Variants in RB1CC1 observed in about 807,000 individuals in gnomAD.
RB1CC1 encodes the protein RB1 inducible coiled-coil 1.
A neutral mutation model predicts 177.5 loss-of-function variants in RB1CC1; 46 were observed. That is an observed-to-expected ratio of 0.26 (90% CI 0.20 to 0.33). The LOEUF is 0.33. RB1CC1 is among the 10% of genes least tolerant of loss of function. RB1CC1 has a pLI of 1.00. For missense variants in RB1CC1, 1,703 were observed against 1,816.3 expected (o/e 0.94, Z 1.13); for synonymous variants, 666 against 613.6 (o/e 1.09, Z -1.26).
intron 1 of RB1CC1, among the ~76,000 whole-genome samples, chr8:52,704,052 C>T (rs544739961): frequency 1.3e-5 from 2 of 151,996 alleles, no homozygotes; most frequent in South Asian, 4.2e-4. Flanking sequence ...AAACATTCAG[C>T]AAAAAGGGAC....
intron 8 of RB1CC1, among the ~76,000 whole-genome samples, chr8:52,665,640 C>A (rs913544344): frequency 2.0e-5 from 3 of 152,134 alleles, no homozygotes; most frequent in African/African-American, 7.2e-5. Flanking sequence ...AGCAAAAGAT[C>A]AGGAATGCAG....
At chr8:52,693,110 T>A (rs549594425) in intron 1 of RB1CC1, among the ~76,000 whole-genome samples, 43 of 152,080 alleles carry the variant, frequency 2.8e-4, no homozygotes, top group Non-Finnish European at 4.7e-4. Context: ...TTACACCACA[T>A]ACAAAAATCA....
At chr8:52,713,826 C>T (rs1470870048) in intron 1 of RB1CC1, among the ~76,000 whole-genome samples, 1 of 152,236 alleles carries the variant, frequency 6.6e-6, no homozygotes, top group Admixed American at 6.5e-5. Flanking sequence ...ACACCTCCGG[C>T]AGCCTAGTGG....
intron 8 of RB1CC1, among the ~76,000 whole-genome samples, chr8:52,666,532 AG>A (rs950463936): frequency 4.6e-5 from 7 of 151,708 alleles, no homozygotes; most frequent in African/African-American, 1.7e-4. Flanking sequence ...AAAAAAAAAA[AG>A]AAAGAAAGAA....
Position 52,683,992 on chromosome 8 carries a change from G to A in RB1CC1, c.93C>T (p.Ala31=). The A allele has an allele frequency of 6.2e-7, 1 of 1,613,432 alleles. No individual in the cohort carries two copies. The highest frequency in any genetic ancestry group is 1.3e-5 in the African/African-American group (1 of 75,018). ...TVQTVADLKH[A]IQSKYKIAIQ... The stretch of plus-strand genomic sequence containing the variant: ...TAGCAATCTTGTATTTGCTTTGAAT[G>A]GCATGCTTAAGGTCTGCCACACTTC... Residue 31 remains alanine, a synonymous_variant, in exon 4 of 24, where the codon GCC becomes GCT. Coordinates refer to ENST00000025008, the MANE Select transcript of RB1CC1 (RefSeq NM_014781.5).
At position 52,656,345 on chromosome 8, in the gene RB1CC1, G is replaced by A. The variant is rs144014597; in HGVS notation, c.3484C>T (p.His1162Tyr). 49 of 1,611,688 alleles carry A rather than the reference G, an allele frequency of 3.0e-5. No individual in the cohort carries two copies. The African/African-American group carries it at 5.9e-4, about 19-fold the overall frequency. ...TTTTCTATTTCAAATGCTTGGTTATGCAAAGATGTTACTTTGTTTAATTCA... is the reference window on the plus strand; with the variant it reads ...TTTTCTATTTCAAATGCTTGGTTATACAAAGATGTTACTTTGTTTAATTCA... ...KAELNKVTSL[H>Y]NQAFEIEKNL... The change falls in exon 15 of 24, where the codon CAT (histidine) becomes TAT (tyrosine). Residue 1162 changes from histidine to tyrosine, a missense_variant. Physicochemically the swap from His to Tyr is moderately conservative, Grantham distance 83. Transcript: ENST00000025008.
chr8:52,678,099 C>A (rs1279918274), intron 5 of RB1CC1, among the ~76,000 whole-genome samples: 1 of 151,998 alleles, frequency 6.6e-6, no homozygotes, highest in Non-Finnish European at 1.5e-5. Flanking sequence ...AATGGGAGTA[C>A]CTTGCAACAA....
chr8:52,661,833 A>C, intron 8 of RB1CC1, 114 bp from the exon 9 acceptor site: 1 of 700,672 alleles, frequency 1.4e-6, no homozygotes, highest in Non-Finnish European at 2.1e-6. Context: ...GCCTTCTAAC[A>C]ATATTTTTAA....
chr8:52,627,018 G>A (rs1391331861), intron 22 of RB1CC1, among the ~76,000 whole-genome samples: 1 of 152,094 alleles, frequency 6.6e-6, no homozygotes, highest in Non-Finnish European at 1.5e-5. Flanking sequence ...TCATGCCACT[G>A]CACTCCAGCC....
chr8:52,642,648 G>A (rs948378760), intron 17 of RB1CC1, 56 bp downstream of exon 17: 1 of 1,589,272 alleles, frequency 6.3e-7, no homozygotes, highest in African/African-American at 1.4e-5. Context: ...CACTTTGCAT[G>A]AATGTATCTT....
At chr8:52,685,325 CAGT>C in intron 3 of RB1CC1, 71 bp downstream of exon 3, 1 of 1,147,464 alleles carries the variant, frequency 8.7e-7, no homozygotes, top group Non-Finnish European at 1.3e-6. Flanking sequence ...ACTTTTTAAA[CAGT>C]AGAATAATAT....
At position 52,656,790 on chromosome 8, in the gene RB1CC1, A is replaced by G. The variant is rs766711914; in HGVS notation, c.3039T>C (p.Ser1013=). The part of the protein sequence containing the change: ...FEKVMTDHRV[S]LEELKKENQQ... ...GGTTTTCCTTTTTTAATTCCTCCAA[A>G]GAAACTCTGTGGTCTGTCATAACCT... Residue 1013 remains serine (S), a synonymous_variant, in exon 15 of 24, where the codon TCT becomes TCC. Transcript: ENST00000025008. 2 of 1,613,794 alleles carry G rather than the reference A, an allele frequency of 1.2e-6. No homozygotes were observed. The highest frequency in any genetic ancestry group is 2.7e-5 in the African/African-American group (2 of 74,906).
chr8:52,679,054 G>A (rs552581897), intron 5 of RB1CC1, among the ~76,000 whole-genome samples: 50 of 152,236 alleles, frequency 3.3e-4, no homozygotes, highest in African/African-American at 1.1e-3. Flanking sequence ...AACCTGTGAA[G>A]AATATGAAAA....
intron 20 of RB1CC1, among the ~76,000 whole-genome samples, chr8:52,632,322 G>A (rs916553755): frequency 7.2e-5 from 11 of 152,170 alleles, no homozygotes; most frequent in African/African-American, 2.7e-4. Flanking sequence ...AAATTTTGAT[G>A]CTCTGAATTT....
At chr8:52,649,434 A>T (rs1235032912) in intron 15 of RB1CC1, among the ~76,000 whole-genome samples, 1 of 152,176 alleles carries the variant, frequency 6.6e-6, no homozygotes, top group Non-Finnish European at 1.5e-5. Flanking sequence ...CAACTAGAAA[A>T]TTTACATTGA....
At chr8:52,700,584 G>C (rs1227854195) in intron 1 of RB1CC1, among the ~76,000 whole-genome samples, 2 of 152,084 alleles carry the variant, frequency 1.3e-5, no homozygotes, top group Non-Finnish European at 2.9e-5. Context: ...TCTTAATTAA[G>C]TGTGGACTAA....
intron 1 of RB1CC1, among the ~76,000 whole-genome samples, chr8:52,705,394 C>A (rs1376809011): frequency 5.3e-5 from 8 of 152,144 alleles, no homozygotes; most frequent in African/African-American, 1.4e-4. Flanking sequence ...ACTAAAACAT[C>A]AACAAGGTAC....
At position 52,623,504 on chromosome 8, in the gene RB1CC1, CT is replaced by C. The variant is rs1848183065; in HGVS notation, c.*277del. The C allele has an allele frequency of 1.7e-5, 7 of 417,874 alleles. No homozygotes were observed. The highest frequency in any genetic ancestry group is 1.4e-4 in the South Asian group (7 of 48,606). 25.9% of individuals were successfully genotyped at this position (417,874 alleles called of 1,614,324 possible). On this transcript the variant is annotated 3_prime_UTR_variant, in exon 24 of 24. Coordinates refer to ENST00000025008, the MANE Select transcript of RB1CC1 (RefSeq NM_014781.5). ...TAAGCCACAATGCACAAGGTATGCC[CT>C]TTGAGAAAATGAAGTAGTTTGGTCC...
At chr8:52,697,520 C>T (rs1855542268) in intron 1 of RB1CC1, among the ~76,000 whole-genome samples, 1 of 152,048 alleles carries the variant, frequency 6.6e-6, no homozygotes, top group Admixed American at 6.6e-5. Flanking sequence ...ATTGTAGTAA[C>T]AGAAAATGAA....
Sources: allele counts gnomAD v4.1 joint callset (sites outside exome capture counted in the v4.1 genomes callset), GRCh38; gene constraint gnomAD v4.1.1; transcripts MANE v1.5; gene names NCBI Gene and HGNC (gene_info 2026-07-23, HGNC 2026-07-21).